The following GNAS variants were observed in gnomAD, a reference collection of about 807,000 sequenced individuals.
The protein encoded by GNAS is protein ALEX.
Under a neutral mutation model 54.5 loss-of-function variants are expected in GNAS, and 8 were observed. The observed-to-expected ratio is 0.15, with a 90% CI of 0.09 to 0.26. The LOEUF is 0.26. GNAS is among the 10% of genes least tolerant of loss of function. GNAS has a pLI of 1.00. For missense variants in GNAS, 170 were observed against 529.8 expected, an observed-to-expected ratio of 0.32 and a Z score of 6.67; for synonymous variants, 204 against 191.4, an observed-to-expected ratio of 1.07 and a Z score of -0.54.
At chr20:58,865,539 AAAT>A (rs2087013683) in intron 1 of GNAS, among the ~76,000 whole-genome samples, 1 of 139,206 alleles carries the variant, frequency 7.2e-6, no homozygotes, top group African/African-American at 3.0e-5. Context: ...CTATAATATA[AAAT>A]ACTTTTTTTT....
intron 1 of GNAS, among the ~76,000 whole-genome samples, chr20:58,875,955 T>C (rs867134214): frequency 6.6e-6 from 1 of 152,196 alleles, no homozygotes; most frequent in African/African-American, 2.4e-5. Context: ...CAAAACAACC[T>C]TGTTGTTTGT....
Position 58,909,012 on chromosome 20 carries a change from C to G in GNAS, c.531-150C>G. 1 of 773,376 alleles carries G rather than the reference C, an allele frequency of 1.3e-6. No individual in the cohort carries two copies. The highest frequency in any genetic ancestry group is 2.4e-5 in the East Asian group (1 of 40,992). 47.9% of individuals were successfully genotyped at this position (773,376 alleles called of 1,614,324 possible). A position where few individuals can be genotyped will look rare whatever the true frequency, so the allele number is the denominator to read the frequency against. On this transcript the variant is annotated intron_variant, in intron 6 of 12. Coordinates refer to ENST00000371085, the MANE Select transcript of GNAS (RefSeq NM_000516.7). This position sits in a 1 kb window ranked among gnomAD's most constrained non-coding sequence, Gnocchi z 7.3. ...CATCAGCTTTGAGTTACAAATGTAA[C>G]CAACACACAAGCAAATGTGCCATTG...
chr20:58,854,123 A>G lies in GNAS; in HGVS notation c.43+13237A>G, dbSNP rs761224587. On this transcript the variant is annotated intron_variant, in intron 1 of 12. Transcript: ENST00000306090. Reference sequence around the variant, plus strand: ...CAGGCGCCATCGGCAGCCCATCCCAAGAGGCTGTCAGACCTCCTTCTAACT... The same window carrying G: ...CAGGCGCCATCGGCAGCCCATCCCAGGAGGCTGTCAGACCTCCTTCTAACT... The G allele has an allele frequency of 1.9e-6, 3 of 1,612,248 alleles. No individual in the cohort carries two copies. The African/African-American group carries it at 4.0e-5, about 22-fold the overall frequency.
chr20:58,842,224 G>A (rs1356420400), intron 1 of GNAS: 2 of 398,418 alleles, frequency 5.0e-6, no homozygotes, highest in African/African-American at 2.1e-5. Context: ...GTCCTGGGGG[G>A]AAAGACTGAT....
chr20:58,882,746 T>C (rs991117595), intron 1 of GNAS, among the ~76,000 whole-genome samples: 1 of 152,210 alleles, frequency 6.6e-6, no homozygotes, highest in African/African-American at 2.4e-5. Flanking sequence ...ATAATTTGCT[T>C]GGCTAGCAGA....
chr20:58,880,494 A>G (rs2088155162), intron 1 of GNAS, among the ~76,000 whole-genome samples: 1 of 152,232 alleles, frequency 6.6e-6, no homozygotes. Context: ...GGCCCCATTA[A>G]GCAGACCTCA....
rs2089338277 is a variant in GNAS, at chr20:58,891,627, C to G, written c.-100C>G. 2.1e-6 allele frequency: 2 copies of G among 970,402 alleles called. No individual in the cohort carries two copies. Among genetic ancestry groups the G allele is most frequent in the Non-Finnish European group, 2.4e-6 (2 of 821,762 alleles). 60.1% of individuals were successfully genotyped at this position (970,402 alleles called of 1,614,324 possible). ...CCGAGGAGCCGAGCCCGCGCCCGGC[C>G]CGCCCGCCCGGCGCTGCCCCGGCCC... On this transcript the variant is annotated 5_prime_UTR_variant, in exon 1 of 13. Transcript: ENST00000371085.
At chr20:58,883,469 A>G (rs77517110) in intron 1 of GNAS, among the ~76,000 whole-genome samples, 6,391 of 152,220 alleles carry the variant, frequency 0.042, 174 homozygotes, top group Middle Eastern at 0.082. Context: ...TGAGGTCTGT[A>G]GCTCATAAAA....
At chr20:58,890,154 GAGA>G (rs1424347512), upstream of GNAS, among the ~76,000 whole-genome samples, 30 of 151,966 alleles carry the variant, frequency 2.0e-4, no homozygotes, top group African/African-American at 5.1e-4. Context: ...GCGAAAGGAG[GAGA>G]AGAAGAAGGA....
chr20:58,884,483 C>T (rs1186622163), intron 1 of GNAS: 1 of 152,200 alleles, frequency 6.6e-6, no homozygotes, highest in Non-Finnish European at 1.5e-5. Flanking sequence ...CACCAACTGC[C>T]TCTTATTTTT....
chr20:58,855,091 G>T (rs756900423), intron 1 of GNAS: 1 of 1,613,556 alleles, frequency 6.2e-7, no homozygotes, highest in Non-Finnish European at 8.5e-7. Context: ...AACTTACTCC[G>T]CAACTTTCTC....
intron 4 of GNAS, 31 bp downstream of exon 4, chr20:58,903,616 T>C (rs752128903): frequency 6.2e-7 from 1 of 1,614,114 alleles, no homozygotes; most frequent in South Asian, 1.1e-5. Context: ...CTGTCTGTCT[T>C]GTAGCGCCCT....
At position 58,855,560 on chromosome 20, in the gene GNAS, A is replaced by G. The variant is rs1600720976; in HGVS notation, c.43+14674A>G. On this transcript the variant is annotated intron_variant, in intron 1 of 12. Transcript: ENST00000306090. ...CGAAGTATATGCCCTCCAGGGAGAAAAGTGGTGCCGAGCGACACTGAGGGT... is the reference window on the plus strand; with the variant it reads ...CGAAGTATATGCCCTCCAGGGAGAAGAGTGGTGCCGAGCGACACTGAGGGT... The G allele has an allele frequency of 7.0e-6, 5 of 718,316 alleles. No individual in the cohort carries two copies. In the East Asian group the frequency reaches 1.3e-4, roughly 19 times the overall value. The allele number at this position is 718,316 out of a possible 1,614,324, so 44.5% of individuals were successfully genotyped here.
At chr20:58,858,712 A>G (rs1177009290) in intron 1 of GNAS, among the ~76,000 whole-genome samples, 6 of 152,190 alleles carry the variant, frequency 3.9e-5, no homozygotes, top group Non-Finnish European at 7.3e-5. Flanking sequence ...AATTAATTGT[A>G]TGATTATTTA....
At chr20:58,862,942 G>T in intron 1 of GNAS, among the ~76,000 whole-genome samples, 1 of 143,636 alleles carries the variant, frequency 7.0e-6, no homozygotes, top group Non-Finnish European at 1.5e-5. Flanking sequence ...AGCTTGGATT[G>T]TTCTATGGTT....
chr20:58,870,844 C>A (rs78118784), intron 1 of GNAS, among the ~76,000 whole-genome samples: 7 of 152,158 alleles, frequency 4.6e-5, no homozygotes, highest in Non-Finnish European at 1.5e-5. Context: ...CACACTTGGC[C>A]GGGCGCCTTT....
chr20:58,891,512 G>T lies in GNAS; in HGVS notation c.-215G>T. 2.1e-6 allele frequency: 2 copies of T among 974,518 alleles called. No homozygotes were observed. The highest frequency in any genetic ancestry group is 2.4e-6 in the Non-Finnish European group (2 of 823,106). 60.4% of individuals were successfully genotyped at this position (974,518 alleles called of 1,614,324 possible). A position where few individuals can be genotyped will look rare whatever the true frequency, so the allele number is the denominator to read the frequency against. ...CGGCTCGAGGGGCGGGGAGCTGCGC[G>T]CGCCCCTCGGTCCGACCGACACCCT... On this transcript the variant is annotated 5_prime_UTR_variant, in exon 1 of 13. Transcript: ENST00000371085.
At chr20:58,904,825 ATATT>A (rs568938031) in intron 5 of GNAS, among the ~76,000 whole-genome samples, 92 of 152,380 alleles carry the variant, frequency 6.0e-4, no homozygotes, top group African/African-American at 2.0e-3. Context: ...ATATGATTCT[ATATT>A]TAATAGGAAA....
rs945965027 is a variant in GNAS at position 58,909,445 on chromosome 20, T to C, written c.659+22T>C. On this transcript the variant is annotated intron_variant, in intron 8 of 12. Coordinates refer to ENST00000371085, the MANE Select transcript of GNAS (RefSeq NM_000516.7). This position sits in a 1 kb window ranked among gnomAD's most constrained non-coding sequence, Gnocchi z 7.3. ...TCCAGTAAGCCAACTGTTACCTTTT[T>C]ATATAACAGAGATCATGGTTTCTTG... 6.2e-7 allele frequency: 1 copy of C among 1,609,022 alleles called. No homozygotes were observed. The highest frequency in any genetic ancestry group is 1.1e-5 in the South Asian group (1 of 90,978).
Sources: gnomAD v4.1 joint callset for allele counts (sites outside exome capture counted in the v4.1 genomes callset) on GRCh38, gnomAD v4.1.1 for gene constraint, Gnocchi (gnomAD v3.1) non-coding constraint, MANE v1.5 for transcripts, NCBI Gene and HGNC (gene_info 2026-07-23, HGNC 2026-07-21) for gene names.